The following CPQ variants were observed in gnomAD, a reference collection of about 807,000 sequenced individuals.
CPQ encodes the protein carboxypeptidase Q.
CPQ carries 37 observed loss-of-function variants against 45.7 expected under a neutral mutation model. The observed-to-expected ratio is 0.81, with a 90% CI of 0.62 to 1.07. The LOEUF (loss-of-function observed/expected upper bound fraction) is 1.07. Ranked by LOEUF, CPQ falls within the 50% of genes least tolerant of loss-of-function variation. The pLI, the probability that CPQ is intolerant of heterozygous loss-of-function variation, is 0.00. For missense variants in CPQ, 537 were observed against 572.9 expected (o/e 0.94, Z 0.64); for synonymous variants, 186 against 205.8 (o/e 0.90, Z 0.82).
intron 1 of CPQ, among the ~76,000 whole-genome samples, chr8:96,657,507 CAA>C (rs2130708851): frequency 6.6e-6 from 1 of 152,294 alleles, no homozygotes; most frequent in South Asian, 2.1e-4. Flanking sequence ...TAAGTTTTCA[CAA>C]AAGTGTTCTT....
At chr8:96,887,123 C>A (rs1812315886) in intron 4 of CPQ, among the ~76,000 whole-genome samples, 3 of 152,098 alleles carry the variant, frequency 2.0e-5, no homozygotes, top group Admixed American at 6.6e-5. Context: ...CTTTTCACAC[C>A]CCTTCACCAA....
At chr8:96,852,003 C>T (rs968785365) in intron 3 of CPQ, among the ~76,000 whole-genome samples, 1 of 152,212 alleles carries the variant, frequency 6.6e-6, no homozygotes, top group Non-Finnish European at 1.5e-5. Flanking sequence ...GCAGTACCCT[C>T]CTGGTAATTA....
At chr8:96,922,079 A>G (rs564314333) in intron 4 of CPQ, among the ~76,000 whole-genome samples, 1 of 152,318 alleles carries the variant, frequency 6.6e-6, no homozygotes, top group East Asian at 1.9e-4. Context: ...AATTTTTAAA[A>G]TTGTCTTTTA....
At chr8:96,649,279 T>A (rs763587998) in intron 1 of CPQ, among the ~76,000 whole-genome samples, 1 of 152,246 alleles carries the variant, frequency 6.6e-6, no homozygotes, top group African/African-American at 2.4e-5. Flanking sequence ...GCCTGGCTCT[T>A]TTCAGCATTT....
At chr8:96,727,386 C>T (rs79348138) in intron 1 of CPQ, among the ~76,000 whole-genome samples, 6,420 of 152,272 alleles carry the variant, frequency 0.042, 178 homozygotes, top group Middle Eastern at 0.099. Context: ...CATCTACTTT[C>T]ACCTTAGGTC....
Position 96,756,959 on chromosome 8 carries a change from G to A in CPQ, c.-34-27905G>A, listed in dbSNP as rs371454662. Among the ~76,000 whole-genome samples, 9 of 152,142 alleles carry A rather than the reference G, an allele frequency of 5.9e-5. No homozygotes were observed. The East Asian group carries it at 1.2e-3, about 20-fold the overall frequency. On this transcript the variant is annotated intron_variant, in intron 1 of 7. Coordinates refer to ENST00000220763, the MANE Select transcript of CPQ (RefSeq NM_016134.4). Reference sequence around the variant, plus strand: ...GATTTTTTTTCCATAAAGGGTGCATGGGAGGTAAACTTCCTGGGTCCTTGT... The same window carrying A: ...GATTTTTTTTCCATAAAGGGTGCATAGGAGGTAAACTTCCTGGGTCCTTGT...
chr8:96,927,791 A>C (rs1052283847), intron 4 of CPQ, among the ~76,000 whole-genome samples: 3 of 152,194 alleles, frequency 2.0e-5, no homozygotes, highest in African/African-American at 7.2e-5. Flanking sequence ...AACCAAGCTA[A>C]CTAAGATGTT....
intron 1 of CPQ, among the ~76,000 whole-genome samples, chr8:96,681,805 ATGGGAGCCCACT>A (rs1475031911): frequency 1.3e-5 from 2 of 152,208 alleles, no homozygotes; most frequent in African/African-American, 2.4e-5. Context: ...GCCCAAGGCC[ATGGGAGCCCACT>A]TCTTACATCA....
chr8:96,708,600 T>A (rs888660911), intron 1 of CPQ, among the ~76,000 whole-genome samples: 6 of 152,142 alleles, frequency 3.9e-5, no homozygotes, highest in Non-Finnish European at 7.4e-5. Context: ...AGTTTTATTC[T>A]CTTCTATAAT....
intron 5 of CPQ, among the ~76,000 whole-genome samples, chr8:97,026,907 T>TA (rs1468620195): frequency 6.6e-6 from 1 of 152,252 alleles, no homozygotes; most frequent in Non-Finnish European, 1.5e-5. Flanking sequence ...CATTTGCTTT[T>TA]AAAAAATGAA....
intron 5 of CPQ, among the ~76,000 whole-genome samples, chr8:96,967,764 A>G (rs1813592946): frequency 6.6e-6 from 1 of 152,192 alleles, no homozygotes; most frequent in Non-Finnish European, 1.5e-5. Flanking sequence ...TATACTGTTA[A>G]AAACATAGGA....
chr8:96,930,247 A>G (rs554870689), intron 4 of CPQ, among the ~76,000 whole-genome samples: 2 of 152,232 alleles, frequency 1.3e-5, no homozygotes, highest in Non-Finnish European at 2.9e-5. Flanking sequence ...ATGGCTAGCA[A>G]CAAGAACTGC....
chr8:96,896,046 A>T (rs914073083), intron 4 of CPQ, among the ~76,000 whole-genome samples: 3 of 151,992 alleles, frequency 2.0e-5, no homozygotes, highest in African/African-American at 7.3e-5. Context: ...TCATAATAAG[A>T]CTCTAAGAAC....
At chr8:96,892,360 A>G (rs1812388495) in intron 4 of CPQ, among the ~76,000 whole-genome samples, 1 of 151,998 alleles carries the variant, frequency 6.6e-6, no homozygotes, top group Admixed American at 6.5e-5. Flanking sequence ...ATTTGTAAAA[A>G]CCTTCTTAGT....
At chr8:96,990,150 C>T (rs1809063572) in intron 5 of CPQ, among the ~76,000 whole-genome samples, 1 of 152,164 alleles carries the variant, frequency 6.6e-6, no homozygotes, top group Non-Finnish European at 1.5e-5. Flanking sequence ...ATCACATCCC[C>T]TAATGCTCAG....
intron 5 of CPQ, among the ~76,000 whole-genome samples, chr8:97,008,149 A>G (rs1347048899): frequency 1.3e-5 from 2 of 152,138 alleles, no homozygotes; most frequent in Admixed American, 1.3e-4. Flanking sequence ...TAAAAAAAAA[A>G]ATCCATTTAA....
intron 4 of CPQ, among the ~76,000 whole-genome samples, chr8:96,963,003 C>T (rs10087704): frequency 0.071 from 10,859 of 152,088 alleles, 717 homozygotes; most frequent in African/African-American, 0.17. Context: ...TATGGGATAT[C>T]GCTTAGTTTC....
At chr8:96,882,594 G>A (rs1046170276) in intron 4 of CPQ, among the ~76,000 whole-genome samples, 1 of 152,130 alleles carries the variant, frequency 6.6e-6, no homozygotes, top group Non-Finnish European at 1.5e-5. Context: ...TCCTTAGTCT[G>A]TAGCAGCTAT....
At chr8:97,031,099 CA>C (rs1026340775) in intron 6 of CPQ, among the ~76,000 whole-genome samples, 15 of 150,674 alleles carry the variant, frequency 1.0e-4, no homozygotes, top group Non-Finnish European at 3.0e-5. Context: ...ATCCTCGAGG[CA>C]AGAGAGTAAC....
Sources: gnomAD v4.1 joint callset for allele counts (sites outside exome capture counted in the v4.1 genomes callset) on GRCh38, gnomAD v4.1.1 for gene constraint, MANE v1.5 for transcripts, NCBI Gene and HGNC (gene_info 2026-07-23, HGNC 2026-07-21) for gene names.